Variants in AFF3 observed in about 807,000 individuals in gnomAD.
The protein encoded by AFF3 is AF4/FMR2 family member 3.
A neutral mutation model predicts 129.7 loss-of-function variants in AFF3; 32 were observed. That is an observed-to-expected ratio of 0.25 (90% CI 0.19 to 0.33). The LOEUF (loss-of-function observed/expected upper bound fraction) is 0.33, where lower values mean the gene tolerates loss of function less well. Among genes scored for constraint, AFF3 ranks in the 10% least tolerant of loss-of-function variants. The pLI is 1.00. For synonymous variants in AFF3, 644 were observed against 635.4 expected (o/e 1.01, Z -0.20); for missense variants, 1,373 against 1,592.0 (o/e 0.86, Z 2.34).
chr2:99,806,268 C>T (rs1686338667), intron 8 of AFF3, among the ~76,000 whole-genome samples: 1 of 152,166 alleles, frequency 6.6e-6, no homozygotes. Context: ...TTAATTACTC[C>T]CATCAACATT....
At chr2:99,562,583 G>A (rs923046521) in intron 20 of AFF3, among the ~76,000 whole-genome samples, 4 of 152,082 alleles carry the variant, frequency 2.6e-5, no homozygotes, top group African/African-American at 9.7e-5. Context: ...GCATTTTTAC[G>A]ATGGCTGCTT....
At chr2:99,858,232 CG>C (rs1480060553) in intron 7 of AFF3, among the ~76,000 whole-genome samples, 2 of 152,058 alleles carry the variant, frequency 1.3e-5, no homozygotes, top group Non-Finnish European at 1.5e-5. Flanking sequence ...AGGCCCACAA[CG>C]GAAGCAAAGT....
chr2:100,071,443 A>G (rs1688173704), intron 4 of AFF3, among the ~76,000 whole-genome samples: 1 of 152,152 alleles, frequency 6.6e-6, no homozygotes, highest in Non-Finnish European at 1.5e-5. Flanking sequence ...GAGTAAGATG[A>G]CTCCATGATG....
rs532596048 is a variant in AFF3, at chr2:100,018,821, G to A, written c.54-9889C>T. Among the ~76,000 whole-genome samples, 20 of 152,078 alleles carry A rather than the reference G, an allele frequency of 1.3e-4. 2 individuals carry two copies. In the South Asian group the frequency reaches 3.5e-3, roughly 27 times the overall value. On this transcript the variant is annotated intron_variant, in intron 4 of 24. Transcript: ENST00000672756. ...GCTCCCTTCCCGGCAGCAGCACAGG[G>A]CCGTCATCAATCACAGGTGTCTGCG...
At chr2:99,600,957 T>C (rs1679770763) in intron 14 of AFF3, among the ~76,000 whole-genome samples, 1 of 152,226 alleles carries the variant, frequency 6.6e-6, no homozygotes, top group East Asian at 1.9e-4. Context: ...GAAGGTTTTA[T>C]TAATATTTAT....
chr2:99,986,201 AAATAAT>A (rs35535526), intron 7 of AFF3, among the ~76,000 whole-genome samples: 12,177 of 136,934 alleles, frequency 0.089, 603 homozygotes, highest in Admixed American at 0.15. Flanking sequence ...ACTTCATCTC[AAATAAT>A]AATAATAATA....
chr2:100,014,386 T>G (rs957445263), intron 4 of AFF3, among the ~76,000 whole-genome samples: 3 of 152,144 alleles, frequency 2.0e-5, no homozygotes, highest in Non-Finnish European at 2.9e-5. Context: ...ATACAGTCCT[T>G]TTCAAATAAC....
chr2:99,554,784 C>CAGGTGACAT lies in AFF3; in HGVS notation c.3286-61_3286-53dup, dbSNP rs775079833. The stretch of plus-strand genomic sequence containing the variant: ...TGAGTGCCATCTGCGTGAGGTGAAA[C>CAGGTGACAT]AGGTGACATGAACGTGTTTTCAGGT... On this transcript the variant is annotated intron_variant, in intron 22 of 24. Transcript: ENST00000672756. The CAGGTGACAT allele has an allele frequency of 3.7e-6, 6 of 1,605,698 alleles. No individual in the cohort carries two copies. The East Asian group carries it at 1.1e-4, about 30-fold the overall frequency.
At chr2:99,826,957 G>A (rs1336668462) in intron 8 of AFF3, among the ~76,000 whole-genome samples, 15 of 152,054 alleles carry the variant, frequency 9.9e-5, no homozygotes, top group Non-Finnish European at 2.1e-4. Context: ...TGGACCCACC[G>A]GAGGGAGACA....
intron 11 of AFF3, among the ~76,000 whole-genome samples, chr2:99,688,044 A>C (rs946800515): frequency 3.9e-5 from 6 of 152,068 alleles, no homozygotes; most frequent in Non-Finnish European, 7.4e-5. Context: ...GGGTTTCACC[A>C]TGTTAGCCAG....
intron 7 of AFF3, among the ~76,000 whole-genome samples, chr2:99,874,283 G>A (rs746658858): frequency 1.2e-4 from 19 of 152,152 alleles, no homozygotes; most frequent in African/African-American, 2.4e-4. Context: ...AGGGGCTGTC[G>A]CTCAAAAACA....
intron 4 of AFF3, among the ~76,000 whole-genome samples, chr2:100,069,309 C>T (rs777518443): frequency 3.3e-5 from 5 of 152,276 alleles, no homozygotes; most frequent in South Asian, 2.1e-4. Context: ...TACCCCAGAA[C>T]TTCAAAATCT....
intron 1 of AFF3, among the ~76,000 whole-genome samples, chr2:100,131,662 G>A (rs1308301795): frequency 6.6e-6 from 1 of 152,116 alleles, no homozygotes; most frequent in African/African-American, 2.4e-5. Flanking sequence ...GTTTCACCAT[G>A]TTGGGTAGGC....
At chr2:99,947,641 T>TAGACAGAC (rs1205022820) in intron 7 of AFF3, among the ~76,000 whole-genome samples, 46 of 142,768 alleles carry the variant, frequency 3.2e-4, no homozygotes, top group Admixed American at 5.5e-4. Context: ...GATAGATAGA[T>TAGACAGAC]AGATAGATAG....
intron 4 of AFF3, among the ~76,000 whole-genome samples, chr2:100,063,257 A>AG (rs1315595974): frequency 4.2e-4 from 63 of 151,052 alleles, no homozygotes; most frequent in African/African-American, 1.4e-3. Context: ...CATCTCAAAA[A>AG]AAAAAAAAAA....
intron 9 of AFF3, among the ~76,000 whole-genome samples, chr2:99,745,894 T>A (rs1032873434): frequency 6.6e-6 from 1 of 152,194 alleles, no homozygotes; most frequent in Non-Finnish European, 1.5e-5. Context: ...ACATACCATA[T>A]GTTCTTATAA....
intron 12 of AFF3, among the ~76,000 whole-genome samples, chr2:99,659,630 C>T (rs1686053793): frequency 6.6e-6 from 1 of 152,094 alleles, no homozygotes; most frequent in African/African-American, 2.4e-5. Context: ...TCGAAAAGTG[C>T]CAGTTGACTT....
intron 11 of AFF3, among the ~76,000 whole-genome samples, chr2:99,701,535 C>T (rs1438709641): frequency 1.3e-5 from 2 of 152,158 alleles, no homozygotes; most frequent in African/African-American, 4.8e-5. Context: ...GAAGGTGTCA[C>T]AAAATGTACA....
intron 11 of AFF3, among the ~76,000 whole-genome samples, chr2:99,690,155 T>C (rs1488919858): frequency 4.1e-5 from 5 of 123,018 alleles, no homozygotes; most frequent in East Asian, 2.4e-4. Context: ...AACCACAATC[T>C]TTATTATTAT....
Sources: gnomAD v4.1 joint callset for allele counts (sites outside exome capture counted in the v4.1 genomes callset) on GRCh38, gnomAD v4.1.1 for gene constraint, MANE v1.5 for transcripts, NCBI Gene and HGNC (gene_info 2026-07-23, HGNC 2026-07-21) for gene names.